The following DRC1 variants were observed in gnomAD, a reference collection of about 807,000 sequenced individuals.
DRC1 encodes the protein dynein regulatory complex protein 1.
In DRC1, 74 loss-of-function variants were observed where a neutral mutation model predicts 98.7. The ratio of observed to expected loss-of-function variants is 0.75; its 90% CI spans 0.62 to 0.91. DRC1 has a LOEUF of 0.91. Among genes scored for constraint, DRC1 ranks in the 40% least tolerant of loss-of-function variants. DRC1 has a pLI of 0.00. For synonymous variants in DRC1, 336 were observed against 334.1 expected (o/e 1.01, Z -0.06); for missense variants, 875 against 886.0 (o/e 0.99, Z 0.16).
intron 7 of DRC1, among the ~76,000 whole-genome samples, chr2:26,432,295 G>C (rs1166169633): frequency 6.6e-6 from 1 of 152,052 alleles, no homozygotes; most frequent in African/African-American, 2.4e-5. Context: ...CCCGGAGTTC[G>C]AGACCAACCT....
At chr2:26,430,177 C>T (rs1248777908) in intron 5 of DRC1, among the ~76,000 whole-genome samples, 1 of 152,102 alleles carries the variant, frequency 6.6e-6, no homozygotes, top group Admixed American at 6.5e-5. Context: ...CTGTGTGAGG[C>T]ATTTACTTGT....
At chr2:26,436,208 T>C (rs1663567738) in intron 7 of DRC1, among the ~76,000 whole-genome samples, 1 of 152,172 alleles carries the variant, frequency 6.6e-6, no homozygotes, top group South Asian at 2.1e-4. Flanking sequence ...TTAGCATTTC[T>C]CTAATGATTA....
chr2:26,427,207 C>A (rs950784486), intron 4 of DRC1, among the ~76,000 whole-genome samples: 5 of 152,228 alleles, frequency 3.3e-5, no homozygotes, highest in African/African-American at 1.2e-4. Flanking sequence ...ACCTCCACCT[C>A]CTGGGCTCAA....
Position 26,444,990 on chromosome 2 carries a change from C to T in DRC1, c.1396+42C>T, listed in dbSNP as rs376033662. 6.5e-4 allele frequency: 1,030 copies of T among 1,593,038 alleles called. 3 individuals are homozygous for T. Among genetic ancestry groups the T allele is most frequent in the Admixed American group, 1.1e-3 (66 of 57,580 alleles). On this transcript the variant is annotated intron_variant, in intron 10 of 16. Transcript: ENST00000288710. ...CATAGAGCCTTAGAGCTGGAGGAGC[C>T]CCCTGAGAACATCGGGTCAAGCCAG...
rs372872818 is a variant in DRC1 at position 26,438,225 on chromosome 2, A to G, written c.889-2153A>G. 2.6e-5 allele frequency among the ~76,000 whole-genome samples: 4 copies of G among 152,148 alleles called. No individual in the cohort carries two copies. In the East Asian group the frequency reaches 5.8e-4, roughly 22 times the overall value. On this transcript the variant is annotated intron_variant, in intron 7 of 16. Transcript: ENST00000288710. ...TTGTAGACACAGTTTGATTCCAACT[A>G]TGTAAAGGACAGTGGAGGGAAACAC...
At chr2:26,405,482 C>A (rs1420359222) in intron 1 of DRC1, among the ~76,000 whole-genome samples, 1 of 151,862 alleles carries the variant, frequency 6.6e-6, no homozygotes, top group Non-Finnish European at 1.5e-5. Context: ...CGGAAACAAG[C>A]AATGAGCAAA....
intron 12 of DRC1, 120 bp from the exon 13 acceptor site, chr2:26,450,472 T>C: frequency 1.2e-6 from 1 of 819,532 alleles, no homozygotes; most frequent in Non-Finnish European, 2.0e-6. Flanking sequence ...CTTCCCAGCG[T>C]TGGATGAATG....
intron 1 of DRC1, among the ~76,000 whole-genome samples, chr2:26,411,128 C>T (rs1307775650): frequency 3.3e-5 from 5 of 152,126 alleles, no homozygotes; most frequent in African/African-American, 1.2e-4. Context: ...GAGGACTCAG[C>T]CCCCAGGAGG....
chr2:26,453,866 T>C (rs1572388145), intron 14 of DRC1, among the ~76,000 whole-genome samples: 2 of 152,218 alleles, frequency 1.3e-5, no homozygotes, highest in East Asian at 3.8e-4. Flanking sequence ...GGTGCACCAT[T>C]GTTCAGAGGA....
chr2:26,455,280 G>A (rs1664120293), intron 16 of DRC1, 47 bp downstream of exon 16: 1 of 1,574,030 alleles, frequency 6.4e-7, no homozygotes, highest in South Asian at 1.1e-5. Flanking sequence ...GACACGGGTG[G>A]GGCAGGGGCA....
intron 1 of DRC1, among the ~76,000 whole-genome samples, chr2:26,411,808 A>T (rs1678618799): frequency 6.6e-6 from 1 of 151,960 alleles, no homozygotes; most frequent in Non-Finnish European, 1.5e-5. Context: ...AAAAAAAAAA[A>T]ATTATAGCAT....
At chr2:26,416,376 G>A (rs937287545) in intron 2 of DRC1, among the ~76,000 whole-genome samples, 6 of 152,108 alleles carry the variant, frequency 3.9e-5, no homozygotes, top group Non-Finnish European at 8.8e-5. Context: ...TCTTGACCCA[G>A]TGATCTGCCT....
At chr2:26,405,392 A>T (rs1013599117) in intron 1 of DRC1, among the ~76,000 whole-genome samples, 1 of 152,176 alleles carries the variant, frequency 6.6e-6, no homozygotes, top group East Asian at 1.9e-4. Flanking sequence ...TTATATTCTA[A>T]TGAGGGAGAT....
At chr2:26,448,511 C>A in intron 10 of DRC1, 180 bp from the exon 11 acceptor site, 1 of 729,194 alleles carries the variant, frequency 1.4e-6, no homozygotes. Flanking sequence ...GACCCCCTAG[C>A]CCGCCTTCCC....
rs977551411 is a variant in DRC1 at position 26,454,593 on chromosome 2, G to A, written c.1920-54G>A. 3.8e-6 allele frequency: 6 copies of A among 1,599,774 alleles called. No homozygotes were observed. The highest frequency in any genetic ancestry group is 1.7e-4 in the Middle Eastern group (1 of 5,992). The stretch of plus-strand genomic sequence containing the variant: ...GTAGGCCTGTGACTGGCACTGCCTG[G>A]GGGCCTGGGTAGTACCCAATGGACA... On this transcript the variant is annotated intron_variant, in intron 14 of 16. Coordinates refer to ENST00000288710, the MANE Select transcript of DRC1 (RefSeq NM_145038.5). This position sits in a 1 kb window ranked among gnomAD's most constrained non-coding sequence, Gnocchi z 5.2.
At chr2:26,416,822 T>G (rs1025100325) in intron 2 of DRC1, among the ~76,000 whole-genome samples, 13 of 152,174 alleles carry the variant, frequency 8.5e-5, no homozygotes, top group African/African-American at 2.9e-4. Context: ...AAAGAAATAC[T>G]TGAGACTGGA....
At chr2:26,425,710 G>GTA (rs879777903) in intron 4 of DRC1, among the ~76,000 whole-genome samples, 1 of 152,062 alleles carries the variant, frequency 6.6e-6, no homozygotes, top group African/African-American at 2.4e-5. Context: ...TTGGTCACTT[G>GTA]TATATCATCT....
chr2:26,429,808 C>T (rs1039416532), intron 5 of DRC1, 43 bp downstream of exon 5: 1 of 1,605,608 alleles, frequency 6.2e-7, no homozygotes. Context: ...CTTGGAGGGC[C>T]CCTGGGAGGA....
chr2:26,433,612 A>G (rs879641978), intron 7 of DRC1, among the ~76,000 whole-genome samples: 1 of 152,238 alleles, frequency 6.6e-6, no homozygotes, highest in Non-Finnish European at 1.5e-5. Flanking sequence ...TGTTGGCCTC[A>G]GTGAGATATA....
Sources: gnomAD v4.1 joint callset for allele counts (sites outside exome capture counted in the v4.1 genomes callset) on GRCh38, gnomAD v4.1.1 for gene constraint, Gnocchi (gnomAD v3.1) non-coding constraint, MANE v1.5 for transcripts, NCBI Gene and HGNC (gene_info 2026-07-23, HGNC 2026-07-21) for gene names.